Variants in LYRM4 observed in about 807,000 individuals in gnomAD.
The protein encoded by LYRM4 is LYR motif-containing protein 4.
Under a neutral mutation model 11.7 loss-of-function variants are expected in LYRM4, and 9 were observed. The observed-to-expected ratio is 0.77, with a 90% CI of 0.46 to 1.34. LYRM4 has a LOEUF of 1.34. Among genes scored for constraint, LYRM4 ranks in the 40% most tolerant of loss-of-function variants. The probability of loss-of-function intolerance (pLI) is 0.00; values close to 1 mark genes in which losing one functional copy is unlikely to be tolerated. For missense variants in LYRM4, 133 were observed against 112.5 expected (o/e 1.18, Z -0.82); for synonymous variants, 42 against 40.4 (o/e 1.04, Z -0.15).
chr6:5,179,264 T>C lies in LYRM4; in HGVS notation c.207+37354A>G, dbSNP rs139853734. Among the ~76,000 whole-genome samples, 234 of 152,258 alleles carry C rather than the reference T, an allele frequency of 1.5e-3. 1 individual carries two copies. The highest frequency in any genetic ancestry group is 6.8e-3 in the Middle Eastern group (2 of 294). On this transcript the variant is annotated intron_variant, in intron 2 of 2. Transcript: ENST00000330636. ...AGTGTTTAATTATTCGTAGCAAAATTTACCATTTAAACTGCAATTATGTGT... is the reference window on the plus strand; with the variant it reads ...AGTGTTTAATTATTCGTAGCAAAATCTACCATTTAAACTGCAATTATGTGT...
chr6:5,240,765 G>A (rs560400427), intron 1 of LYRM4: 2 of 152,340 alleles, frequency 1.3e-5, no homozygotes, highest in Admixed American at 1.3e-4. Context: ...AACAACTAAA[G>A]AGTCCACATG....
intron 2 of LYRM4, among the ~76,000 whole-genome samples, chr6:5,122,820 T>C (rs761997420): frequency 2.4e-4 from 36 of 152,194 alleles, no homozygotes; most frequent in Non-Finnish European, 4.1e-4. Context: ...TCCCAGTACA[T>C]GCTCTCCTTC....
chr6:5,066,846 TCAGA>T, the LYRM4 span: 9 of 823,328 alleles, frequency 1.1e-5, no homozygotes, highest in Admixed American at 2.0e-5. Context: ...CGGAGAGGAG[TCAGA>T]CAGGCCACGG....
At chr6:5,047,173 A>T in the LYRM4 span, among the ~76,000 whole-genome samples, 14 of 152,298 alleles carry the variant, frequency 9.2e-5, no homozygotes, top group East Asian at 1.2e-3. Flanking sequence ...GGTATAATTT[A>T]TTGGGGAACC....
chr6:5,112,162 G>A (rs1476454798), intron 2 of LYRM4, among the ~76,000 whole-genome samples: 2 of 152,188 alleles, frequency 1.3e-5, no homozygotes, highest in African/African-American at 4.8e-5. Context: ...GCACGCTCGC[G>A]AAGCCCGTGC....
At chr6:5,131,442 G>A (rs764344646) in intron 2 of LYRM4, among the ~76,000 whole-genome samples, 1 of 152,222 alleles carries the variant, frequency 6.6e-6, no homozygotes, top group Non-Finnish European at 1.5e-5. Flanking sequence ...GCTCACGCCT[G>A]TAATCCCAGC....
At chr6:5,250,666 T>C (rs1344249670) in intron 1 of LYRM4, among the ~76,000 whole-genome samples, 1 of 152,264 alleles carries the variant, frequency 6.6e-6, no homozygotes, top group East Asian at 1.9e-4. Flanking sequence ...ACAATAGTTC[T>C]TTGTAATACA....
Position 5,187,112 on chromosome 6 carries a change from T to C in LYRM4, c.207+29506A>G, listed in dbSNP as rs749097415. The C allele has an allele frequency of 1.2e-4, 68 of 576,702 alleles. 1 individual carries two copies. Among genetic ancestry groups the C allele is most frequent in the Non-Finnish European group, 1.4e-4 (66 of 457,718 alleles). The allele number at this position is 576,702 out of a possible 1,614,324, so 35.7% of individuals were successfully genotyped here. Reference sequence around the variant, plus strand: ...GTGAATGAATAATATAGAAAAGAAATGCACATGCTAATAGCACAAAATATT... The same window carrying C: ...GTGAATGAATAATATAGAAAAGAAACGCACATGCTAATAGCACAAAATATT... On this transcript the variant is annotated intron_variant, in intron 2 of 2. Transcript: ENST00000330636.
At chr6:5,065,879 C>A in the LYRM4 span, 1 of 241,516 alleles carries the variant, frequency 4.1e-6, no homozygotes. Context: ...TTTTTGAAGT[C>A]TTGAGGGTAC....
intron 1 of LYRM4, among the ~76,000 whole-genome samples, chr6:5,247,766 GAT>G (rs1410031152): frequency 6.6e-6 from 1 of 152,092 alleles, no homozygotes; most frequent in Non-Finnish European, 1.5e-5. Flanking sequence ...ATGCATCAGT[GAT>G]GTCTAATGAG....
intron 2 of LYRM4, among the ~76,000 whole-genome samples, chr6:5,143,235 C>T (rs996451425): frequency 3.7e-5 from 2 of 53,866 alleles, no homozygotes; most frequent in Admixed American, 1.6e-4. Context: ...ACACCACTGT[C>T]ATTCAGGGTA....
At chr6:5,119,695 A>G (rs1042381971) in intron 2 of LYRM4, among the ~76,000 whole-genome samples, 36 of 146,050 alleles carry the variant, frequency 2.5e-4, no homozygotes, top group African/African-American at 6.0e-4. Flanking sequence ...AAGCTGAGGC[A>G]GGAGAAATGC....
chr6:5,085,716 C>T, the LYRM4 span: 5 of 1,546,030 alleles, frequency 3.2e-6, no homozygotes, highest in Non-Finnish European at 4.4e-6. Flanking sequence ...TGGAATGCCG[C>T]CGCCGCTGCC....
rs200421123 is a variant in LYRM4 at position 5,260,339 on chromosome 6, C to CT, written c.86+308dup. ...CTTCACAAATGACTGATTTCCATCC[C>CT]TTTTTTCTCTTCTGCAGAAACATAA... is the stretch of plus-strand genomic sequence containing the variant. On this transcript the variant is annotated intron_variant, in intron 1 of 2. Transcript: ENST00000330636. Among the ~76,000 whole-genome samples, 1,167 of 152,324 alleles carry CT rather than the reference C, an allele frequency of 7.7e-3. 6 individuals carry two copies. The highest frequency in any genetic ancestry group is 0.013 in the Non-Finnish European group (861 of 68,044).
chr6:5,191,992 G>A (rs1760781438), intron 2 of LYRM4, among the ~76,000 whole-genome samples: 1 of 152,172 alleles, frequency 6.6e-6, no homozygotes. Context: ...ATACATCAAT[G>A]TCATAAAAGT....
At chr6:5,179,292 T>G (rs1361479493) in intron 2 of LYRM4, among the ~76,000 whole-genome samples, 1 of 152,178 alleles carries the variant, frequency 6.6e-6, no homozygotes, top group Non-Finnish European at 1.5e-5. Flanking sequence ...TTATGTGTAA[T>G]TTCAGTGGCA....
chr6:5,209,617 G>A (rs1761886078), intron 2 of LYRM4, among the ~76,000 whole-genome samples: 1 of 152,192 alleles, frequency 6.6e-6, no homozygotes, highest in African/African-American at 2.4e-5. Context: ...GAGTCAAAAT[G>A]AGAAAGAACT....
intron 2 of LYRM4, among the ~76,000 whole-genome samples, chr6:5,141,254 A>G (rs1757392475): frequency 6.6e-6 from 1 of 152,204 alleles, no homozygotes; most frequent in South Asian, 2.1e-4. Context: ...TGAGGTCACA[A>G]CAGTAAAGTA....
At position 5,117,963 on chromosome 6, in the gene LYRM4, A is replaced by G. The variant is rs188210592; in HGVS notation, c.208-8472T>C. On this transcript the variant is annotated intron_variant, in intron 2 of 2. Coordinates refer to ENST00000330636, the MANE Select transcript of LYRM4 (RefSeq NM_020408.6). The stretch of plus-strand genomic sequence containing the variant: ...TGTTTTTACCCTGTTGCCTTTGAGT[A>G]CCTTCTGATACACCCAGTTTCAGAA... 4.7e-4 allele frequency among the ~76,000 whole-genome samples: 71 copies of G among 151,884 alleles called. 1 individual carries two copies. Among genetic ancestry groups the G allele is most frequent in the Middle Eastern group, 6.8e-3 (2 of 294 alleles).
Sources: allele counts gnomAD v4.1 joint callset (sites outside exome capture counted in the v4.1 genomes callset), GRCh38; gene constraint gnomAD v4.1.1; transcripts MANE v1.5; gene names NCBI Gene and HGNC (gene_info 2026-07-23, HGNC 2026-07-21).